Variants in PODXL observed in about 807,000 individuals in gnomAD.
The protein encoded by PODXL is podocalyxin like, also known as podocalyxin.
PODXL carries 20 observed loss-of-function variants against 48.9 expected under a neutral mutation model. That is an observed-to-expected ratio of 0.41 (90% confidence interval 0.29 to 0.59). The LOEUF (loss-of-function observed/expected upper bound fraction) is 0.59, where lower values mean the gene tolerates loss of function less well. PODXL is among the 20% of genes least tolerant of loss of function. The probability of loss-of-function intolerance (pLI) is 0.31; values close to 1 mark genes in which losing one functional copy is unlikely to be tolerated. For synonymous variants in PODXL, 295 were observed against 287.4 expected, an observed-to-expected ratio of 1.03 and a Z score of -0.27; for missense variants, 606 against 675.1, an observed-to-expected ratio of 0.90 and a Z score of 1.13.
At chr7:131,510,203 A>C (rs752835917) in intron 3 of PODXL, 33 bp downstream of exon 3, 1 of 447,596 alleles carries the variant, frequency 2.2e-6, no homozygotes, top group South Asian at 1.6e-5. Flanking sequence ...GTAAGTAAGT[A>C]AACAGGTATC....
chr7:131,509,108 C>T, intron 4 of PODXL, 80 bp from the exon 5 acceptor site: 1 of 1,267,406 alleles, frequency 7.9e-7, no homozygotes, highest in East Asian at 2.3e-5. Flanking sequence ...AGGGGTGACC[C>T]AGATAGGAAA....
chr7:131,506,904 TCTC>T (rs1797817436), intron 5 of PODXL, 178 bp from the exon 6 acceptor site: 1 of 638,106 alleles, frequency 1.6e-6, no homozygotes, highest in Non-Finnish European at 2.7e-6. Context: ...TGCATGCTGT[TCTC>T]CTGGGCCAGT....
intron 1 of PODXL, among the ~76,000 whole-genome samples, chr7:131,524,408 A>AGAGAGAGAGAG (rs367857912): frequency 9.4e-5 from 14 of 149,564 alleles, no homozygotes; most frequent in East Asian, 2.0e-4. Flanking sequence ...AGAGAGAGAG[A>AGAGAGAGAGAG]AAACAACAAG....
chr7:131,504,836 C>T (rs981075130), intron 8 of PODXL, among the ~76,000 whole-genome samples: 5 of 152,208 alleles, frequency 3.3e-5, no homozygotes, highest in African/African-American at 1.2e-4. Flanking sequence ...ACCTACCTCA[C>T]CTATCATAAT....
chr7:131,529,326 G>C (rs917299245), intron 1 of PODXL, among the ~76,000 whole-genome samples: 1 of 152,134 alleles, frequency 6.6e-6, no homozygotes, highest in Non-Finnish European at 1.5e-5. Flanking sequence ...GGGGGCCAGG[G>C]GGACAGTGGG....
chr7:131,547,064 G>GACGCCAAT (rs1266357043), intron 1 of PODXL, among the ~76,000 whole-genome samples: 1 of 152,170 alleles, frequency 6.6e-6, no homozygotes, highest in African/African-American at 2.4e-5. Flanking sequence ...GGCTAGGGCT[G>GACGCCAAT]ACGCCAATAC....
chr7:131,509,530 G>C lies in PODXL; in HGVS notation c.858C>G (p.Ser286Arg). ...TCTCCTGGGAGGAAGGGGCCGTAGAGCTGGCTGGCATCTGACTGGAGGTCT... is the reference window on the plus strand; with the variant it reads ...TCTCCTGGGAGGAAGGGGCCGTAGACCTGGCTGGCATCTGACTGGAGGTCT... ...TQQTSSQMPA[S>R]STAPSSQETV... The change falls in exon 4 of 9, where the codon AGC becomes AGG. Residue 286 changes from serine (S) to arginine (R), a missense_variant. Transcript: ENST00000378555. The C allele has an allele frequency of 6.2e-7, 1 of 1,602,736 alleles. No homozygotes were observed. The highest frequency in any genetic ancestry group is 8.5e-7 in the Non-Finnish European group (1 of 1,172,530).
chr7:131,501,524 C>T lies in PODXL; in HGVS notation c.*2787G>A, dbSNP rs1001150782. The T allele has an allele frequency of 5.3e-5, 8 of 152,308 alleles. No individual in the cohort carries two copies. Among genetic ancestry groups the T allele is most frequent in the African/African-American group, 1.2e-4 (5 of 41,432 alleles). 9.4% of individuals were successfully genotyped at this position (152,308 alleles called of 1,614,324 possible). ...ATTAAACCCGTATTCTGTCTTACAA[C>T]GCAAAGAATATTCTGTACCTCCTTC... On this transcript the variant is annotated 3_prime_UTR_variant, in exon 9 of 9. Transcript: ENST00000378555.
intron 1 of PODXL, among the ~76,000 whole-genome samples, chr7:131,550,641 A>T (rs1798653593): frequency 6.6e-6 from 1 of 152,150 alleles, no homozygotes; most frequent in South Asian, 2.1e-4. Context: ...ATCTCAGAAC[A>T]AAAAGAAGTA....
chr7:131,545,780 G>A (rs564466455), intron 1 of PODXL, among the ~76,000 whole-genome samples: 242 of 152,308 alleles, frequency 1.6e-3, no homozygotes, highest in Non-Finnish European at 2.9e-3. Context: ...TCTAAGAAGG[G>A]AAATGTATTC....
At position 131,521,452 on chromosome 7, in the gene PODXL, C is replaced by T. The variant is rs553031902; in HGVS notation, c.101-10019G>A. On this transcript the variant is annotated intron_variant, in intron 1 of 8. Transcript: ENST00000378555. ...AGCCTCCAAGGTTCAAGTGATTCTC[C>T]GGCCTCAGCCTCCTGAGTGGCTGGG... is the stretch of plus-strand genomic sequence containing the variant. 7.9e-5 allele frequency among the ~76,000 whole-genome samples: 12 copies of T among 151,980 alleles called. No homozygotes were observed. The East Asian group carries it at 1.8e-3, about 22-fold the overall frequency.
chr7:131,550,769 ACACACATACATGCACG>A (rs1328306778), intron 1 of PODXL, among the ~76,000 whole-genome samples: 1 of 152,076 alleles, frequency 6.6e-6, no homozygotes, highest in Non-Finnish European at 1.5e-5. Flanking sequence ...GCGCACATGC[ACACACATACATGCACG>A]CACACACACA....
At chr7:131,523,711 GA>G (rs1379690723) in intron 1 of PODXL, among the ~76,000 whole-genome samples, 1 of 132,366 alleles carries the variant, frequency 7.6e-6, no homozygotes, top group African/African-American at 2.9e-5. Context: ...AACAAGAAAA[GA>G]AAAAGAAAAA....
At chr7:131,555,738 G>C (rs991430609) in intron 1 of PODXL, among the ~76,000 whole-genome samples, 1 of 152,168 alleles carries the variant, frequency 6.6e-6, no homozygotes, top group African/African-American at 2.4e-5. Flanking sequence ...ACATTACTTA[G>C]AAAAAACCTC....
intron 1 of PODXL, among the ~76,000 whole-genome samples, chr7:131,525,611 A>AT (rs1798171129): frequency 2.0e-5 from 3 of 151,576 alleles, no homozygotes; most frequent in Non-Finnish European, 4.4e-5. Flanking sequence ...AAAAAAAAAA[A>AT]CACAAAAAAA....
chr7:131,542,813 G>A (rs569767294), intron 1 of PODXL, among the ~76,000 whole-genome samples: 4 of 152,198 alleles, frequency 2.6e-5, no homozygotes, highest in Admixed American at 6.5e-5. Flanking sequence ...TCCCTCTAGA[G>A]CATGGCAGTA....
At chr7:131,507,133 C>G (rs1170262554) in intron 5 of PODXL, among the ~76,000 whole-genome samples, 1 of 152,204 alleles carries the variant, frequency 6.6e-6, no homozygotes, top group South Asian at 2.1e-4. Context: ...GACTCCAATT[C>G]CCCCTAAACT....
chr7:131,547,549 G>C (rs936996504), intron 1 of PODXL, among the ~76,000 whole-genome samples: 7 of 152,112 alleles, frequency 4.6e-5, no homozygotes, highest in African/African-American at 7.2e-5. Flanking sequence ...AACAAGTGTC[G>C]AAGCTGTGGC....
At chr7:131,517,341 T>G (rs1798015438) in intron 1 of PODXL, among the ~76,000 whole-genome samples, 1 of 152,188 alleles carries the variant, frequency 6.6e-6, no homozygotes. Context: ...ACAGCTTGTG[T>G]GCTCTTTAGG....
Sources: allele counts gnomAD v4.1 joint callset (sites outside exome capture counted in the v4.1 genomes callset), GRCh38; gene constraint gnomAD v4.1.1; transcripts MANE v1.5; gene names NCBI Gene and HGNC (gene_info 2026-07-23, HGNC 2026-07-21).